C12orf42: variants seen among roughly 807,000 people sequenced by gnomAD.
The protein encoded by C12orf42 is chromosome 12 open reading frame 42, also known as uncharacterized protein C12orf42.
In C12orf42, 25 loss-of-function variants were observed where a neutral mutation model predicts 21.6. The observed-to-expected ratio is 1.16, with a 90% CI of 0.84 to 1.62. The LOEUF (loss-of-function observed/expected upper bound fraction) is 1.62. C12orf42 is among the 40% of genes most tolerant of loss of function. C12orf42 has a pLI of 0.00. For missense variants in C12orf42, 483 were observed against 459.3 expected, an observed-to-expected ratio of 1.05 and a Z score of -0.47; for synonymous variants, 174 against 175.0, an observed-to-expected ratio of 0.99 and a Z score of 0.05.
chr12:103,098,280 A>G, the C12orf42 span, among the ~76,000 whole-genome samples: 1 of 152,112 alleles, frequency 6.6e-6, no homozygotes, highest in African/African-American at 2.4e-5. Flanking sequence ...CCATGGGCAG[A>G]TTGGTTAGCT....
chr12:103,142,579 G>A, the C12orf42 span, among the ~76,000 whole-genome samples: 2 of 152,172 alleles, frequency 1.3e-5, no homozygotes, highest in Admixed American at 6.5e-5. Context: ...GAGAGAGAGA[G>A]AGAAAAGAGA....
intron 4 of C12orf42, among the ~76,000 whole-genome samples, chr12:103,351,140 C>A (rs577051673): frequency 3.9e-4 from 60 of 152,260 alleles, no homozygotes; most frequent in Non-Finnish European, 7.1e-4. Flanking sequence ...AAGCTGCCTC[C>A]TTACATATTT....
In C12orf42 at chr12:103,390,403, A is replaced by G. The variant is rs144928684; in HGVS notation, c.147+11204T>C. On this transcript the variant is annotated intron_variant, in intron 3 of 5. Transcript: ENST00000548883. ...CAATAATCATCACCACTATTTCCAG[A>G]ACTTTTCATCATCCCAAACAGAAAC... 4.8e-3 allele frequency among the ~76,000 whole-genome samples: 727 copies of G among 152,220 alleles called. 4 individuals are homozygous for G. Among genetic ancestry groups the G allele is most frequent in the African/African-American group, 0.016 (674 of 41,538 alleles).
At chr12:103,094,400 T>A in the C12orf42 span, among the ~76,000 whole-genome samples, 1 of 152,194 alleles carries the variant, frequency 6.6e-6, no homozygotes, top group Non-Finnish European at 1.5e-5. Flanking sequence ...TCCTGAATTG[T>A]CTTAATCCAT....
the C12orf42 span, among the ~76,000 whole-genome samples, chr12:103,547,064 T>A: frequency 4.6e-5 from 7 of 152,230 alleles, no homozygotes; most frequent in Admixed American, 1.3e-4. Context: ...AAGGCTCCAG[T>A]GTCATATAAA....
downstream of C12orf42, among the ~76,000 whole-genome samples, chr12:103,299,146 G>A (rs1430389100): frequency 6.6e-6 from 1 of 151,760 alleles, no homozygotes; most frequent in African/African-American, 2.4e-5. Flanking sequence ...GTATAATACA[G>A]CTCTATGTAT....
At chr12:103,422,904 T>A (rs2050035569) in intron 2 of C12orf42, among the ~76,000 whole-genome samples, 1 of 152,112 alleles carries the variant, frequency 6.6e-6, no homozygotes, top group African/African-American at 2.4e-5. Flanking sequence ...GGCCCGATTA[T>A]GTGGGTCACT....
intron 2 of C12orf42, among the ~76,000 whole-genome samples, chr12:103,416,252 C>T (rs2049322687): frequency 6.6e-6 from 1 of 151,206 alleles, no homozygotes; most frequent in Non-Finnish European, 1.5e-5. Context: ...GGTTGTGACT[C>T]CCAGTTTTTC....
chr12:103,225,742 G>A, the C12orf42 span, among the ~76,000 whole-genome samples: 1 of 152,166 alleles, frequency 6.6e-6, no homozygotes, highest in Non-Finnish European at 1.5e-5. Flanking sequence ...AGTTTTAAGA[G>A]GTTTAGAAGC....
chr12:103,446,913 G>A (rs1951612555), intron 2 of C12orf42, among the ~76,000 whole-genome samples: 1 of 151,936 alleles, frequency 6.6e-6, no homozygotes, highest in African/African-American at 2.4e-5. Context: ...CAACAATAGT[G>A]GGAGACTTTA....
chr12:103,553,387 C>T, the C12orf42 span, among the ~76,000 whole-genome samples: 1 of 152,078 alleles, frequency 6.6e-6, no homozygotes, highest in Non-Finnish European at 1.5e-5. Flanking sequence ...GGAGATGGTC[C>T]TAATAGTACT....
At chr12:103,140,230 A>G in the C12orf42 span, among the ~76,000 whole-genome samples, 1 of 152,218 alleles carries the variant, frequency 6.6e-6, no homozygotes, top group Non-Finnish European at 1.5e-5. Flanking sequence ...TTAAAAGCTA[A>G]AAACACACTG....
chr12:103,172,602 G>C, the C12orf42 span, among the ~76,000 whole-genome samples: 4 of 152,078 alleles, frequency 2.6e-5, no homozygotes, highest in African/African-American at 9.7e-5. Context: ...CAAACTCTAA[G>C]TTGGAGGTGA....
At chr12:103,301,205 C>T (rs1753739487), downstream of C12orf42, among the ~76,000 whole-genome samples, 1 of 152,036 alleles carries the variant, frequency 6.6e-6, no homozygotes, top group African/African-American at 2.4e-5. Context: ...TTTTTAAATG[C>T]AGTAAGATTT....
chr12:103,486,988 C>A lies in C12orf42; in HGVS notation c.-21-8541G>T, dbSNP rs1954878052. 2.0e-5 allele frequency among the ~76,000 whole-genome samples: 3 copies of A among 152,046 alleles called. No homozygotes were observed. The South Asian group carries it at 6.2e-4, about 31-fold the overall frequency. ...CTGCTCTGATCTTAGTTATTTCTTG[C>A]CTTCTGCTAGCTTTTAATTTATTTG... On this transcript the variant is annotated intron_variant, in intron 1 of 5. Coordinates refer to ENST00000548883, the MANE Select transcript of C12orf42 (RefSeq NM_198521.5).
chr12:103,540,412 G>C, the C12orf42 span, among the ~76,000 whole-genome samples: 2 of 152,030 alleles, frequency 1.3e-5, no homozygotes, highest in African/African-American at 4.8e-5. Context: ...AATATCCCTA[G>C]TATGATTGTA....
At chr12:103,137,973 T>C in the C12orf42 span, among the ~76,000 whole-genome samples, 3 of 152,082 alleles carry the variant, frequency 2.0e-5, no homozygotes, top group African/African-American at 7.2e-5. Context: ...ATAATAACTA[T>C]AGTTAACAAC....
At chr12:103,331,493 G>A (rs776546627) in intron 4 of C12orf42, among the ~76,000 whole-genome samples, 1 of 152,156 alleles carries the variant, frequency 6.6e-6, no homozygotes, top group African/African-American at 2.4e-5. Flanking sequence ...GACTGTGCAA[G>A]GTTCTGCTCT....
chr12:103,556,801 G>A, the C12orf42 span, among the ~76,000 whole-genome samples: 1 of 152,222 alleles, frequency 6.6e-6, no homozygotes, highest in East Asian at 1.9e-4. Flanking sequence ...ATCTTAAGAT[G>A]AGATCATCCT....
Sources: gnomAD v4.1 joint callset for allele counts (sites outside exome capture counted in the v4.1 genomes callset) on GRCh38, gnomAD v4.1.1 for gene constraint, MANE v1.5 for transcripts, NCBI Gene and HGNC (gene_info 2026-07-23, HGNC 2026-07-21) for gene names.